The following ZBTB38 variants were observed in gnomAD, a reference collection of about 807,000 sequenced individuals.
ZBTB38 encodes zinc finger and BTB domain-containing protein 38.
Under a neutral mutation model 76.8 loss-of-function variants are expected in ZBTB38, and 20 were observed. That is an observed-to-expected ratio of 0.26 (90% confidence interval 0.18 to 0.38). ZBTB38 has a LOEUF of 0.38. Among genes scored for constraint, ZBTB38 ranks in the 10% least tolerant of loss-of-function variants. The probability of loss-of-function intolerance (pLI) is 1.00; values close to 1 mark genes in which losing one functional copy is unlikely to be tolerated. For synonymous variants in ZBTB38, 504 were observed against 544.2 expected, an observed-to-expected ratio of 0.93 and a Z score of 1.03; for missense variants, 1,082 against 1,482.3, an observed-to-expected ratio of 0.73 and a Z score of 4.43.
At chr3:141,349,492 G>A (rs183415503) in intron 1 of ZBTB38, among the ~76,000 whole-genome samples, 72 of 152,200 alleles carry the variant, frequency 4.7e-4, no homozygotes, top group African/African-American at 1.7e-3. Context: ...AAACCCCAAA[G>A]CCAATTAGCA....
intron 5 of ZBTB38, among the ~76,000 whole-genome samples, chr3:141,417,347 C>T (rs2074294862): frequency 1.3e-5 from 2 of 152,158 alleles, no homozygotes; most frequent in Non-Finnish European, 2.9e-5. Flanking sequence ...AGGGAGCCAC[C>T]TGCATTTTCC....
chr3:141,419,716 G>C (rs984836702), intron 5 of ZBTB38, among the ~76,000 whole-genome samples: 3 of 152,222 alleles, frequency 2.0e-5, no homozygotes, highest in Admixed American at 6.5e-5. Flanking sequence ...GCCAGGCACA[G>C]TGGCTCACAC....
At chr3:141,432,846 T>G (rs531517323) in intron 5 of ZBTB38, among the ~76,000 whole-genome samples, 3 of 152,248 alleles carry the variant, frequency 2.0e-5, no homozygotes, top group African/African-American at 7.2e-5. Flanking sequence ...CCAGAATGAG[T>G]GAACCAATAC....
chr3:141,449,697 G>C lies in ZBTB38; in HGVS notation c.*3721G>C, dbSNP rs901485808. The C allele has an allele frequency of 6.6e-6, 1 of 152,120 alleles. No individual in the cohort carries two copies. Among genetic ancestry groups the C allele is most frequent in the African/African-American group, 2.4e-5 (1 of 41,404 alleles). 9.4% of individuals were successfully genotyped at this position (152,120 alleles called of 1,614,324 possible). Reference sequence around the variant, plus strand: ...CAGATTCACCAAAAATTTGATAACTGTTATCTGCTAAAACTAACTTCATTA... The same window carrying C: ...CAGATTCACCAAAAATTTGATAACTCTTATCTGCTAAAACTAACTTCATTA... On this transcript the variant is annotated 3_prime_UTR_variant, in exon 6 of 6. Transcript: ENST00000321464.
intron 5 of ZBTB38, among the ~76,000 whole-genome samples, chr3:141,440,446 G>T (rs1365892843): frequency 6.6e-6 from 1 of 152,196 alleles, no homozygotes; most frequent in African/African-American, 2.4e-5. Flanking sequence ...GAGGTTCTTT[G>T]TGTGGCCATC....
intron 4 of ZBTB38, chr3:141,387,748 G>A (rs533641876): frequency 5.3e-5 from 8 of 152,286 alleles, no homozygotes; most frequent in African/African-American, 1.2e-4. Flanking sequence ...GCTGTTCTGC[G>A]TATGATTTTT....
chr3:141,380,131 A>C (rs989582619), intron 2 of ZBTB38, among the ~76,000 whole-genome samples: 2 of 152,248 alleles, frequency 1.3e-5, no homozygotes, highest in Non-Finnish European at 2.9e-5. Context: ...TGAGGCATTT[A>C]TGTAAATATG....
chr3:141,335,660 C>T (rs537614462), intron 1 of ZBTB38, among the ~76,000 whole-genome samples: 2 of 152,328 alleles, frequency 1.3e-5, no homozygotes, highest in African/African-American at 4.8e-5. Flanking sequence ...TATCATTCCC[C>T]ACAACAGGGC....
At chr3:141,337,355 T>G (rs1237174447) in intron 1 of ZBTB38, among the ~76,000 whole-genome samples, 3 of 152,258 alleles carry the variant, frequency 2.0e-5, no homozygotes, top group Non-Finnish European at 4.4e-5. Flanking sequence ...GATGGGCCTC[T>G]TAGCAAAGAG....
At chr3:141,377,142 G>A (rs560710399) in intron 2 of ZBTB38, among the ~76,000 whole-genome samples, 5 of 152,344 alleles carry the variant, frequency 3.3e-5, no homozygotes, top group Non-Finnish European at 5.9e-5. Flanking sequence ...GGGCCAAGAG[G>A]CACTGCCTCA....
At chr3:141,439,952 T>G (rs148099189) in intron 5 of ZBTB38, among the ~76,000 whole-genome samples, 1 of 152,202 alleles carries the variant, frequency 6.6e-6, no homozygotes, top group African/African-American at 2.4e-5. Context: ...AAGTATGCTA[T>G]TGATCTGTGA....
chr3:141,385,682 G>A (rs984614591), intron 3 of ZBTB38, among the ~76,000 whole-genome samples: 12 of 151,356 alleles, frequency 7.9e-5, no homozygotes, highest in African/African-American at 2.2e-4. Context: ...GTGTGTGTGC[G>A]CGTGTGTTGA....
intron 1 of ZBTB38, among the ~76,000 whole-genome samples, chr3:141,327,975 C>T (rs1338988656): frequency 1.3e-5 from 2 of 152,134 alleles, no homozygotes; most frequent in Non-Finnish European, 2.9e-5. Flanking sequence ...CTAGGTCATG[C>T]CTCTGGTGGC....
At chr3:141,340,507 G>A (rs1336539936) in intron 1 of ZBTB38, among the ~76,000 whole-genome samples, 1 of 152,114 alleles carries the variant, frequency 6.6e-6, no homozygotes, top group Non-Finnish European at 1.5e-5. Flanking sequence ...CTTGTATTTA[G>A]AATATATAAA....
chr3:141,351,263 C>T (rs991044033), intron 1 of ZBTB38, among the ~76,000 whole-genome samples: 2 of 151,230 alleles, frequency 1.3e-5, no homozygotes, highest in East Asian at 1.9e-4. Context: ...AATGGTACAA[C>T]CATGTTTTAT....
intron 1 of ZBTB38, among the ~76,000 whole-genome samples, chr3:141,333,934 G>A (rs1158787081): frequency 6.6e-6 from 1 of 152,114 alleles, no homozygotes; most frequent in African/African-American, 2.4e-5. Context: ...TGACAACATG[G>A]AAAGTCAGAA....
At chr3:141,415,534 A>G (rs2073808544) in intron 5 of ZBTB38, among the ~76,000 whole-genome samples, 1 of 152,166 alleles carries the variant, frequency 6.6e-6, no homozygotes, top group Admixed American at 6.5e-5. Flanking sequence ...GTGTCAGAAA[A>G]TGCACTTAAC....
At chr3:141,375,372 T>A (rs561420292) in intron 2 of ZBTB38, among the ~76,000 whole-genome samples, 1 of 152,132 alleles carries the variant, frequency 6.6e-6, no homozygotes, top group African/African-American at 2.4e-5. Flanking sequence ...AAGGCGCCAA[T>A]GAGAAGATTC....
chr3:141,399,241 G>T (rs1023202070), intron 4 of ZBTB38, among the ~76,000 whole-genome samples: 15 of 151,982 alleles, frequency 9.9e-5, no homozygotes, highest in African/African-American at 3.4e-4. Context: ...AATTGGTCGG[G>T]GTTGGGTAGC....
Sources: allele counts gnomAD v4.1 joint callset (sites outside exome capture counted in the v4.1 genomes callset), GRCh38; gene constraint gnomAD v4.1.1; transcripts MANE v1.5; gene names NCBI Gene and HGNC (gene_info 2026-07-23, HGNC 2026-07-21).